KCNB2: variants seen among roughly 807,000 people sequenced by gnomAD.
The protein encoded by KCNB2 is delayed rectifier potassium channel protein.
A neutral mutation model predicts 61.5 loss-of-function variants in KCNB2; 15 were observed. The ratio of observed to expected loss-of-function variants is 0.24; its 90% CI spans 0.16 to 0.38. The LOEUF is 0.38. KCNB2 is among the 10% of genes least tolerant of loss of function. KCNB2 has a pLI of 1.00. For synonymous variants in KCNB2, 457 were observed against 446.0 expected, an observed-to-expected ratio of 1.02 and a Z score of -0.31; for missense variants, 828 against 1,125.2, an observed-to-expected ratio of 0.74 and a Z score of 3.78.
In KCNB2 at chr8:72,937,263, C is replaced by T. The variant is rs1478742484; in HGVS notation, c.1908C>T (p.Asp636=). 4 of 1,613,916 alleles carry T rather than the reference C, an allele frequency of 2.5e-6. No homozygotes were observed. The East Asian group carries it at 8.9e-5, about 36-fold the overall frequency. ...ASHLQMKFPT[D]LPGTEEHQRA... is the part of the protein sequence containing the mutation. ...ACTTGCAGATGAAGTTCCCAACCGA[C>T]CTCCCAGGGACAGAAGAGCACCAAA... The change falls in exon 3 of 3, where the codon GAC becomes GAT. Residue 636 remains aspartate, a synonymous_variant. Transcript: ENST00000523207.
intron 2 of KCNB2, among the ~76,000 whole-genome samples, chr8:72,755,453 G>A (rs1808273314): frequency 6.6e-6 from 1 of 152,126 alleles, no homozygotes; most frequent in Admixed American, 6.6e-5. Context: ...TACAATATAT[G>A]CAAATTTCTT....
chr8:72,561,791 A>ATATG (rs1806540153), intron 1 of KCNB2, among the ~76,000 whole-genome samples: 2 of 79,792 alleles, frequency 2.5e-5, no homozygotes, highest in Non-Finnish European at 2.2e-5. Context: ...ATATATATAC[A>ATATG]TATATATATA....
At chr8:72,586,911 C>T (rs186166319) in intron 2 of KCNB2, among the ~76,000 whole-genome samples, 129 of 152,304 alleles carry the variant, frequency 8.5e-4, no homozygotes, top group Middle Eastern at 3.4e-3. Flanking sequence ...GAAGTAAACT[C>T]TACAGAATGA....
intron 2 of KCNB2, among the ~76,000 whole-genome samples, chr8:72,754,408 T>G (rs1808250556): frequency 1.3e-5 from 2 of 152,142 alleles, no homozygotes; most frequent in Non-Finnish European, 2.9e-5. Context: ...GACAGTTCCA[T>G]TGCAGCAGCC....
intron 2 of KCNB2, among the ~76,000 whole-genome samples, chr8:72,804,621 A>G (rs1276372211): frequency 1.3e-5 from 2 of 152,212 alleles, no homozygotes; most frequent in East Asian, 3.9e-4. Flanking sequence ...GTTAAGCCAA[A>G]TTAACTTCTA....
chr8:72,586,778 C>G (rs1455343427), intron 2 of KCNB2, among the ~76,000 whole-genome samples: 1 of 152,108 alleles, frequency 6.6e-6, no homozygotes, highest in African/African-American at 2.4e-5. Flanking sequence ...TTGTAAACAA[C>G]CCTCGAAAAA....
chr8:72,545,016 T>C (rs1006013944), intron 1 of KCNB2, among the ~76,000 whole-genome samples: 1 of 152,292 alleles, frequency 6.6e-6, no homozygotes, highest in Middle Eastern at 3.4e-3. Flanking sequence ...CAGTCATATT[T>C]CTGTATCATG....
intron 2 of KCNB2, among the ~76,000 whole-genome samples, chr8:72,789,751 G>T (rs1808907182): frequency 6.6e-6 from 1 of 152,016 alleles, no homozygotes; most frequent in Admixed American, 6.6e-5. Context: ...CCCTAACGGG[G>T]TATTCTGGCA....
At chr8:72,823,907 C>A (rs1220584149) in intron 2 of KCNB2, among the ~76,000 whole-genome samples, 1 of 152,152 alleles carries the variant, frequency 6.6e-6, no homozygotes, top group East Asian at 1.9e-4. Flanking sequence ...TCCATGAAAG[C>A]CTATACCAGT....
At chr8:72,934,441 A>G (rs1806859230) in intron 2 of KCNB2, among the ~76,000 whole-genome samples, 1 of 149,878 alleles carries the variant, frequency 6.7e-6, no homozygotes, top group African/African-American at 2.4e-5. Flanking sequence ...AGGAGAAAGG[A>G]GGAAGTGAAA....
At chr8:72,935,871 A>G (rs1056224991) in intron 2 of KCNB2, 64 bp from the exon 3 acceptor site, 1 of 1,115,036 alleles carries the variant, frequency 9.0e-7, no homozygotes, top group Non-Finnish European at 1.3e-6. Flanking sequence ...TCACCGACCC[A>G]TCTGTCTCCT....
chr8:72,747,817 C>T (rs965752003), intron 2 of KCNB2, among the ~76,000 whole-genome samples: 1 of 152,186 alleles, frequency 6.6e-6, no homozygotes, highest in Non-Finnish European at 1.5e-5. Flanking sequence ...TGTCAACTTA[C>T]TGTAATATTG....
intron 2 of KCNB2, among the ~76,000 whole-genome samples, chr8:72,930,864 T>C (rs1585983525): frequency 6.6e-6 from 1 of 152,222 alleles, no homozygotes; most frequent in East Asian, 1.9e-4. Flanking sequence ...AGACATGAAG[T>C]CCTTGCCCAT....
chr8:72,585,129 A>G (rs750567912), intron 2 of KCNB2, among the ~76,000 whole-genome samples: 1 of 152,194 alleles, frequency 6.6e-6, no homozygotes, highest in Non-Finnish European at 1.5e-5. Context: ...ATGGCTTAGC[A>G]TAATACCTGG....
At chr8:72,931,278 G>C (rs1806778415) in intron 2 of KCNB2, among the ~76,000 whole-genome samples, 1 of 152,078 alleles carries the variant, frequency 6.6e-6, no homozygotes, top group Non-Finnish European at 1.5e-5. Flanking sequence ...CTTGGCAATG[G>C]GGGCTCTTTT....
intron 2 of KCNB2, among the ~76,000 whole-genome samples, chr8:72,919,930 G>A (rs966899107): frequency 6.6e-6 from 1 of 151,980 alleles, no homozygotes; most frequent in Non-Finnish European, 1.5e-5. Context: ...CTATTTAAAA[G>A]CACTTACGAG....
intron 2 of KCNB2, among the ~76,000 whole-genome samples, chr8:72,748,695 T>A (rs1405602052): frequency 1.3e-5 from 2 of 151,574 alleles, no homozygotes; most frequent in African/African-American, 4.8e-5. Context: ...TCTGATTTTT[T>A]AAATTTTATT....
chr8:72,844,730 G>A lies in KCNB2; in HGVS notation c.580-91205G>A, dbSNP rs139121064. 6.7e-3 allele frequency among the ~76,000 whole-genome samples: 1,025 copies of A among 152,082 alleles called. 9 individuals carry two copies. The highest frequency in any genetic ancestry group is 0.01 in the Non-Finnish European group (701 of 68,006). On this transcript the variant is annotated intron_variant, in intron 2 of 2. Coordinates refer to ENST00000523207, the MANE Select transcript of KCNB2 (RefSeq NM_004770.3). ...ATCCTTTCTTCCGCTTAATCAATTC[G>A]GCTATTGATGCTTGTGTATGCTTCA...
At chr8:72,677,065 A>G (rs1268509707) in intron 2 of KCNB2, among the ~76,000 whole-genome samples, 1 of 151,132 alleles carries the variant, frequency 6.6e-6, no homozygotes, top group Non-Finnish European at 1.5e-5. Flanking sequence ...CCCTAAACCA[A>G]TATGACTTGC....
Sources: gnomAD v4.1 joint callset for allele counts (sites outside exome capture counted in the v4.1 genomes callset) on GRCh38, gnomAD v4.1.1 for gene constraint, MANE v1.5 for transcripts, NCBI Gene and HGNC (gene_info 2026-07-23, HGNC 2026-07-21) for gene names.